SUGCT: variants seen among roughly 807,000 people sequenced by gnomAD.
SUGCT encodes succinyl-CoA:glutarate CoA-transferase.
SUGCT carries 41 observed loss-of-function variants against 55.0 expected under a neutral mutation model. The observed-to-expected ratio is 0.74, with a 90% CI of 0.58 to 0.97. The LOEUF is 0.97. Ranked by LOEUF, SUGCT falls within the 50% of genes least tolerant of loss-of-function variation. The probability of loss-of-function intolerance (pLI) is 0.00; values close to 1 mark genes in which losing one functional copy is unlikely to be tolerated. For synonymous variants in SUGCT, 187 were observed against 200.4 expected, an observed-to-expected ratio of 0.93 and a Z score of 0.56; for missense variants, 568 against 547.8, an observed-to-expected ratio of 1.04 and a Z score of -0.37.
intron 12 of SUGCT, among the ~76,000 whole-genome samples, chr7:40,690,647 A>C (rs1364244540): frequency 6.6e-6 from 1 of 151,972 alleles, no homozygotes; most frequent in Non-Finnish European, 1.5e-5. Context: ...AGCTTACTGC[A>C]ACCTCTGACC....
At chr7:40,581,668 A>G (rs1376129631) in intron 12 of SUGCT, among the ~76,000 whole-genome samples, 1 of 152,194 alleles carries the variant, frequency 6.6e-6, no homozygotes, top group African/African-American at 2.4e-5. Context: ...CCTGATATCT[A>G]TCAAAGACCA....
In SUGCT at chr7:40,434,235, A is replaced by G. The variant is rs77991751; in HGVS notation, c.817-15052A>G. ...ATGGTAGATGTGCCCATGTGAGTCC[A>G]ATTCTTTTGAGTAACTAATGATTGA... On this transcript the variant is annotated intron_variant, in intron 9 of 13. Transcript: ENST00000335693. Among the ~76,000 whole-genome samples the G allele has an allele frequency of 4.9e-3, 744 of 152,288 alleles. 2 individuals are homozygous for G. The highest frequency in any genetic ancestry group is 0.017 in the African/African-American group (710 of 41,562).
At chr7:40,226,001 A>G (rs1788325589) in intron 6 of SUGCT, among the ~76,000 whole-genome samples, 1 of 152,214 alleles carries the variant, frequency 6.6e-6, no homozygotes, top group Non-Finnish European at 1.5e-5. Context: ...TACTCTGTAC[A>G]TGTTGACTAT....
chr7:40,813,842 G>A (rs187003121), intron 13 of SUGCT, among the ~76,000 whole-genome samples: 53 of 152,236 alleles, frequency 3.5e-4, no homozygotes, highest in Non-Finnish European at 5.9e-4. Context: ...GTGTGTTTTT[G>A]TGGTAGCAGT....
At chr7:40,229,514 G>A (rs34830114) in intron 6 of SUGCT, among the ~76,000 whole-genome samples, 62,503 of 146,352 alleles carry the variant, frequency 0.43, 13,283 homozygotes, top group East Asian at 0.5. Context: ...GTGAGACCCC[G>A]TCTCAAAAAA....
At chr7:40,425,208 T>A (rs541726736) in intron 9 of SUGCT, among the ~76,000 whole-genome samples, 1 of 152,266 alleles carries the variant, frequency 6.6e-6, no homozygotes, top group Admixed American at 6.5e-5. Flanking sequence ...TCTTGTTTCT[T>A]ACCTTATAAA....
intron 8 of SUGCT, among the ~76,000 whole-genome samples, chr7:40,300,973 G>A (rs1794499243): frequency 1.3e-5 from 2 of 152,186 alleles, no homozygotes; most frequent in South Asian, 4.1e-4. Context: ...TGAGTTTGGG[G>A]AAGAGGCAAG....
At chr7:40,685,629 G>A (rs746752775) in intron 12 of SUGCT, among the ~76,000 whole-genome samples, 6 of 151,982 alleles carry the variant, frequency 3.9e-5, no homozygotes, top group South Asian at 4.2e-4. Context: ...TTTTTTTCCC[G>A]TCTAGAAACT....
At chr7:40,577,892 T>C (rs963885844) in intron 12 of SUGCT, among the ~76,000 whole-genome samples, 1 of 152,258 alleles carries the variant, frequency 6.6e-6, no homozygotes, top group African/African-American at 2.4e-5. Context: ...GAGCAAAATA[T>C]GCCTTTCTAC....
At chr7:40,834,232 G>A (rs79611258) in intron 13 of SUGCT, among the ~76,000 whole-genome samples, 1 of 143,322 alleles carries the variant, frequency 7.0e-6, no homozygotes, top group Non-Finnish European at 1.5e-5. Context: ...GAATGGTTGG[G>A]TCCAAACTGT....
chr7:40,630,479 T>C (rs1799738586), intron 12 of SUGCT, among the ~76,000 whole-genome samples: 1 of 152,120 alleles, frequency 6.6e-6, no homozygotes, highest in Non-Finnish European at 1.5e-5. Flanking sequence ...AACTAAAAAA[T>C]AGTAGGACCT....
chr7:40,715,547 C>T (rs1203728), intron 12 of SUGCT, among the ~76,000 whole-genome samples: 57,367 of 151,924 alleles, frequency 0.38, 12,789 homozygotes, highest in African/African-American at 0.63. Flanking sequence ...CCTTTGCCCC[C>T]CCTCATGTGT....
Position 40,439,732 on chromosome 7 carries a change from C to T in SUGCT, c.817-9555C>T, listed in dbSNP as rs78255481. Among the ~76,000 whole-genome samples the T allele has an allele frequency of 2.7e-3, 407 of 152,294 alleles. 1 individual carries two copies. Among genetic ancestry groups the T allele is most frequent in the Non-Finnish European group, 4.9e-3 (330 of 68,016 alleles). On this transcript the variant is annotated intron_variant, in intron 9 of 13. Coordinates refer to ENST00000335693, the MANE Select transcript of SUGCT (RefSeq NM_001193313.2). ...TCCAGTGGGAACTTCCTGAGTCCTC[C>T]TCGACATGGGAACTCCATCTGCAGC... is the stretch of plus-strand genomic sequence containing the variant.
In SUGCT at chr7:40,615,275, A is replaced by G. The variant is rs564811276; in HGVS notation, c.1089+118889A>G. ...TTTTTTTCTTTAAACAAATGTCGCAATACAATAAATATAGATTAACAAGCA... is the reference window on the plus strand; with the variant it reads ...TTTTTTTCTTTAAACAAATGTCGCAGTACAATAAATATAGATTAACAAGCA... On this transcript the variant is annotated intron_variant, in intron 12 of 13. Transcript: ENST00000335693. Among the ~76,000 whole-genome samples the G allele has an allele frequency of 7.3e-5, 11 of 150,422 alleles. No homozygotes were observed. In the South Asian group the frequency reaches 1.7e-3, roughly 23 times the overall value.
chr7:40,338,122 T>G, intron 9 of SUGCT, among the ~76,000 whole-genome samples: 1 of 152,224 alleles, frequency 6.6e-6, no homozygotes, highest in Non-Finnish European at 1.5e-5. Context: ...AGATCCGCTG[T>G]TAGTCTGATG....
intron 12 of SUGCT, among the ~76,000 whole-genome samples, chr7:40,700,673 C>T (rs1415463487): frequency 6.6e-6 from 1 of 152,150 alleles, no homozygotes; most frequent in Non-Finnish European, 1.5e-5. Context: ...ATCTAAGTAT[C>T]AGCTGCTGTT....
intron 13 of SUGCT, among the ~76,000 whole-genome samples, chr7:40,814,772 G>A (rs1053937181): frequency 2.0e-5 from 3 of 152,058 alleles, no homozygotes; most frequent in African/African-American, 7.2e-5. Context: ...TCCTCATGGT[G>A]CCAGAATTCT....
At chr7:40,474,025 C>T (rs1408647821) in intron 11 of SUGCT, among the ~76,000 whole-genome samples, 1 of 151,960 alleles carries the variant, frequency 6.6e-6, no homozygotes, top group Non-Finnish European at 1.5e-5. Context: ...AAAATCATGC[C>T]CGCTTCTCCC....
intron 12 of SUGCT, among the ~76,000 whole-genome samples, chr7:40,744,825 T>C (rs376016437): frequency 4.0e-4 from 61 of 152,352 alleles, no homozygotes; most frequent in African/African-American, 1.4e-3. Context: ...TTATCTTTGT[T>C]CTCTGGTCTT....
Sources: gnomAD v4.1 joint callset for allele counts (sites outside exome capture counted in the v4.1 genomes callset) on GRCh38, gnomAD v4.1.1 for gene constraint, MANE v1.5 for transcripts, NCBI Gene and HGNC (gene_info 2026-07-23, HGNC 2026-07-21) for gene names.